ADRA1B: variants seen among roughly 807,000 people sequenced by gnomAD.
ADRA1B encodes the protein alpha-1B adrenergic receptor.
In ADRA1B, 17 loss-of-function variants were observed where a neutral mutation model predicts 17.9. That is an observed-to-expected ratio of 0.95 (90% CI 0.65 to 1.42). ADRA1B has a LOEUF of 1.42. Ranked by LOEUF, ADRA1B falls within the 40% of genes most tolerant of loss-of-function variation. The probability of loss-of-function intolerance (pLI) is 0.00; values close to 1 mark genes in which losing one functional copy is unlikely to be tolerated. For synonymous variants in ADRA1B, 366 were observed against 327.6 expected (o/e 1.12, Z -1.27); for missense variants, 681 against 722.1 (o/e 0.94, Z 0.65).
intron 1 of ADRA1B, among the ~76,000 whole-genome samples, chr5:159,964,744 G>A (rs1437448944): frequency 6.6e-6 from 1 of 152,226 alleles, no homozygotes; most frequent in African/African-American, 2.4e-5. Flanking sequence ...GGAAAGAGCA[G>A]TAGGGTAAGT....
chr5:159,955,294 G>A, intron 1 of ADRA1B: 2 of 683,472 alleles, frequency 2.9e-6, no homozygotes, highest in South Asian at 6.5e-5. Flanking sequence ...AGCCAAACAA[G>A]CGAGAGGTGA....
chr5:159,905,659 T>C (rs1266388589), intron 1 of ADRA1B, among the ~76,000 whole-genome samples: 2 of 152,196 alleles, frequency 1.3e-5, no homozygotes, highest in Non-Finnish European at 2.9e-5. Context: ...AAGAGTCATA[T>C]GCAGAAGTAT....
At chr5:159,918,113 C>A (rs958779605) in intron 1 of ADRA1B, among the ~76,000 whole-genome samples, 1 of 152,184 alleles carries the variant, frequency 6.6e-6, no homozygotes, top group African/African-American at 2.4e-5. Flanking sequence ...TGAGGAATGA[C>A]TCACTCAACA....
chr5:159,986,616 T>C, the ADRA1B span, among the ~76,000 whole-genome samples: 12 of 152,278 alleles, frequency 7.9e-5, no homozygotes, highest in African/African-American at 2.4e-4. Context: ...CACAGTCACC[T>C]CCAGCCCCGT....
chr5:159,953,465 C>T (rs760816980), intron 1 of ADRA1B, among the ~76,000 whole-genome samples: 1 of 152,342 alleles, frequency 6.6e-6, no homozygotes, highest in South Asian at 2.1e-4. Context: ...CCAGCACCTC[C>T]CCATCTTCTT....
intron 1 of ADRA1B, among the ~76,000 whole-genome samples, chr5:159,865,787 T>C (rs1363367361): frequency 1.3e-5 from 2 of 152,164 alleles, no homozygotes; most frequent in Non-Finnish European, 2.9e-5. Flanking sequence ...AAATATATGC[T>C]TCCTCAAAAC....
the ADRA1B span, among the ~76,000 whole-genome samples, chr5:159,981,433 G>C: frequency 9.9e-5 from 15 of 152,042 alleles, no homozygotes; most frequent in Non-Finnish European, 1.8e-4. Flanking sequence ...TTTCATGAAG[G>C]TTACCCATAT....
At chr5:159,962,018 T>G (rs948295472) in intron 1 of ADRA1B, among the ~76,000 whole-genome samples, 1 of 152,132 alleles carries the variant, frequency 6.6e-6, no homozygotes, top group Non-Finnish European at 1.5e-5. Context: ...GTCAACATGA[T>G]GAAATCCTGT....
chr5:159,941,067 A>T (rs1755111607), intron 1 of ADRA1B, among the ~76,000 whole-genome samples: 1 of 152,228 alleles, frequency 6.6e-6, no homozygotes, highest in Non-Finnish European at 1.5e-5. Flanking sequence ...CGATAACTTT[A>T]TGGGGACCTC....
intron 1 of ADRA1B, among the ~76,000 whole-genome samples, chr5:159,960,754 A>T (rs1468946755): frequency 1.3e-5 from 2 of 151,272 alleles, no homozygotes; most frequent in Admixed American, 6.6e-5. Context: ...TGGATCAGAG[A>T]TTCTGCATTT....
chr5:159,900,882 T>A (rs1156926992), intron 1 of ADRA1B, among the ~76,000 whole-genome samples: 1 of 152,180 alleles, frequency 6.6e-6, no homozygotes, highest in East Asian at 1.9e-4. Flanking sequence ...TCTCAAAGAA[T>A]GAGTACTTAA....
At chr5:159,951,171 C>T in intron 1 of ADRA1B, 2 of 754,762 alleles carry the variant, frequency 2.6e-6, no homozygotes, top group Non-Finnish European at 2.4e-6. Flanking sequence ...CCCTGCAAGT[C>T]AGCCCCAGCC....
chr5:159,952,442 TGAAA>T (rs1755462620), intron 1 of ADRA1B, among the ~76,000 whole-genome samples: 1 of 152,202 alleles, frequency 6.6e-6, no homozygotes, highest in Non-Finnish European at 1.5e-5. Context: ...CTCAGGTAAC[TGAAA>T]GCATGGATGG....
At chr5:159,941,924 T>C in intron 1 of ADRA1B, among the ~76,000 whole-genome samples, 1 of 146,910 alleles carries the variant, frequency 6.8e-6, no homozygotes, top group Non-Finnish European at 1.5e-5. Flanking sequence ...GGTTTCTTTT[T>C]TTTTTTTTTT....
intron 1 of ADRA1B, chr5:159,950,718 C>T (rs1755412583): frequency 1.5e-6 from 1 of 679,056 alleles, no homozygotes; most frequent in Non-Finnish European, 2.7e-6. Context: ...CTCACTTCAC[C>T]ACCTTCTTAA....
At chr5:159,956,479 T>C (rs887361409) in intron 1 of ADRA1B, among the ~76,000 whole-genome samples, 3 of 152,190 alleles carry the variant, frequency 2.0e-5, no homozygotes, top group South Asian at 2.1e-4. Context: ...TTTTTGCTAC[T>C]TAATTTTGTT....
chr5:159,879,545 C>A (rs555664575), intron 1 of ADRA1B, among the ~76,000 whole-genome samples: 1 of 152,294 alleles, frequency 6.6e-6, no homozygotes, highest in South Asian at 2.1e-4. Flanking sequence ...CAAGCCAATT[C>A]TTCTTCTATC....
intron 1 of ADRA1B, among the ~76,000 whole-genome samples, chr5:159,878,933 G>C (rs569533172): frequency 6.6e-6 from 1 of 152,222 alleles, no homozygotes; most frequent in South Asian, 2.1e-4. Context: ...GGAACTTACT[G>C]CTCATGCCCC....
chr5:159,972,931 A>G lies in ADRA1B; in HGVS notation c.*439A>G, dbSNP rs919270322. On this transcript the variant is annotated 3_prime_UTR_variant, in exon 2 of 2. Transcript: ENST00000306675. ...GTGTGTCGTGACTTCGTACCTCTCA[A>G]GCCCCTCCTTGTACTTCACTGAAGG... 1.3e-5 allele frequency among the ~76,000 whole-genome samples: 2 copies of G among 152,164 alleles called. No homozygotes were observed. Among genetic ancestry groups the G allele is most frequent in the African/African-American group, 4.8e-5 (2 of 41,432 alleles).
Sources: gnomAD v4.1 joint callset for allele counts (sites outside exome capture counted in the v4.1 genomes callset) on GRCh38, gnomAD v4.1.1 for gene constraint, MANE v1.5 for transcripts, NCBI Gene and HGNC (gene_info 2026-07-23, HGNC 2026-07-21) for gene names.